CDH11: variants seen among roughly 807,000 people sequenced by gnomAD.
CDH11 encodes cadherin 11.
Under a neutral mutation model 67.8 loss-of-function variants are expected in CDH11, and 11 were observed. The ratio of observed to expected loss-of-function variants is 0.16; its 90% CI spans 0.10 to 0.27. CDH11 has a LOEUF of 0.27. CDH11 is among the 10% of genes least tolerant of loss of function. The probability of loss-of-function intolerance (pLI) is 1.00; values close to 1 mark genes in which losing one functional copy is unlikely to be tolerated. For synonymous variants in CDH11, 419 were observed against 400.0 expected (o/e 1.05, Z -0.57); for missense variants, 847 against 1,031.2 (o/e 0.82, Z 2.45).
At position 64,947,921 on chromosome 16, in the gene CDH11, G is replaced by A; in HGVS notation, c.2073C>T (p.Ile691=). The stretch of plus-strand genomic sequence containing the variant: ...ACTCAGGTTTGATGTCTTTGCGGGG[G>A]ATAAATCCATTGATACCATCAGGAT... ...LQNPDGINGF[I]PRKDIKPEYQ... is the part of the protein sequence containing the mutation. Residue 691 remains isoleucine, a synonymous_variant, in exon 13 of 13, where the codon ATC becomes ATT. Coordinates refer to ENST00000268603, the MANE Select transcript of CDH11 (RefSeq NM_001797.4). The A allele has an allele frequency of 1.9e-6, 3 of 1,614,116 alleles. No individual in the cohort carries two copies. Among genetic ancestry groups the A allele is most frequent in the Non-Finnish European group, 2.5e-6 (3 of 1,180,018 alleles).
In CDH11 at chr16:64,982,248, G is replaced by A. The variant is rs201295294; in HGVS notation, c.1053C>T (p.Asn351=). The stretch of plus-strand genomic sequence containing the variant: ...TGATAAACTTCGGGTCGATGTGCAC[G>A]TTGGCTGCCTCTACCTTCAAGCTAT... ...RAYSLKVEAA[N]VHIDPKFISN... The change falls in exon 8 of 13, where the codon AAC becomes AAT. Residue 351 remains asparagine, a synonymous_variant. Transcript: ENST00000268603. The A allele has an allele frequency of 4.6e-5, 75 of 1,612,982 alleles. No individual in the cohort carries two copies. In the East Asian group the frequency reaches 1.0e-3, roughly 23 times the overall value.
intron 11 of CDH11, chr16:64,968,410 T>C: frequency 1.0e-6 from 1 of 984,578 alleles, no homozygotes; most frequent in African/African-American, 1.7e-5. Context: ...ACATGCCTGG[T>C]ATTTTCAAAG....
chr16:65,075,066 G>A (rs2074485443), intron 1 of CDH11, among the ~76,000 whole-genome samples: 1 of 152,158 alleles, frequency 6.6e-6, no homozygotes, highest in Non-Finnish European at 1.5e-5. Flanking sequence ...AACATAAGCA[G>A]GCTGAATTCA....
intron 1 of CDH11, among the ~76,000 whole-genome samples, chr16:65,059,047 T>C (rs914178326): frequency 1.3e-5 from 2 of 152,248 alleles, no homozygotes; most frequent in African/African-American, 4.8e-5. Context: ...AATATTAACA[T>C]ACAATTTTAT....
rs148120735 is a variant in CDH11 at position 65,031,584 on chromosome 16, T to C, written c.-173+22220A>G. Among the ~76,000 whole-genome samples, 361 of 152,142 alleles carry C rather than the reference T, an allele frequency of 2.4e-3. 1 individual carries two copies. The highest frequency in any genetic ancestry group is 8.3e-3 in the African/African-American group (346 of 41,510). ...GCAGAGGGAACAGCAGGAGCAAATA[T>C]TTAAGACATGAAATAAGATCCTATG... On this transcript the variant is annotated intron_variant, in intron 2 of 12. Coordinates refer to ENST00000268603, the MANE Select transcript of CDH11 (RefSeq NM_001797.4).
chr16:65,072,735 C>A (rs2074439869), intron 1 of CDH11, among the ~76,000 whole-genome samples: 1 of 152,134 alleles, frequency 6.6e-6, no homozygotes, highest in South Asian at 2.1e-4. Flanking sequence ...ATTTATTTTA[C>A]ACTATTGTAT....
intron 2 of CDH11, among the ~76,000 whole-genome samples, chr16:65,049,874 A>G (rs56818078): frequency 0.068 from 10,385 of 152,176 alleles, 1,218 homozygotes; most frequent in African/African-American, 0.24. Context: ...TAGGAAATAC[A>G]CATTCACAGA....
rs1245806394 is a variant in CDH11 at position 64,971,711 on chromosome 16, T to A, written c.1525-15A>T. ...GTAACAATTGGCTGAAAGAGAAAGG[T>A]GGCCCATAAATAAATCATGCTGACA... On this transcript the variant is annotated splice_polypyrimidine_tract_variant and intron_variant, in intron 10 of 12. Transcript: ENST00000268603. 6.4e-7 allele frequency: 1 copy of A among 1,568,320 alleles called. No homozygotes were observed. Among genetic ancestry groups the A allele is most frequent in the Admixed American group, 1.7e-5 (1 of 59,478 alleles).
rs1055688589 is a variant in CDH11 at position 64,982,488 on chromosome 16, T to G, written c.1000-187A>C. On this transcript the variant is annotated intron_variant, in intron 7 of 12. Coordinates refer to ENST00000268603, the MANE Select transcript of CDH11 (RefSeq NM_001797.4). ...AAATCAATTGCTGAAACCTAGAATGTGCTTAATGGGTCATTCGAAGAGCAC... is the reference window on the plus strand; with the variant it reads ...AAATCAATTGCTGAAACCTAGAATGGGCTTAATGGGTCATTCGAAGAGCAC... The G allele has an allele frequency of 1.7e-5, 10 of 591,554 alleles. No homozygotes were observed. The African/African-American group carries it at 1.9e-4, about 11-fold the overall frequency. 36.6% of individuals were successfully genotyped at this position (591,554 alleles called of 1,614,324 possible).
In CDH11 at chr16:64,947,057, A is replaced by G. The variant is rs1382116485; in HGVS notation, c.*546T>C. On this transcript the variant is annotated 3_prime_UTR_variant, in exon 13 of 13. Transcript: ENST00000268603. The stretch of plus-strand genomic sequence containing the variant: ...GAAAGTAGAAGCAAAAAGATTTACA[A>G]GAATCAGCAGTAACAAGATTGATGC... 3 of 1,032,420 alleles carry G rather than the reference A, an allele frequency of 2.9e-6. No homozygotes were observed. The highest frequency in any genetic ancestry group is 3.5e-6 in the Non-Finnish European group (3 of 857,994). 64.0% of individuals were successfully genotyped at this position (1,032,420 alleles called of 1,614,324 possible). A position where few individuals can be genotyped will look rare whatever the true frequency, so the allele number is the denominator to read the frequency against.
At chr16:64,969,216 T>C (rs1376209360) in intron 11 of CDH11, among the ~76,000 whole-genome samples, 1 of 152,164 alleles carries the variant, frequency 6.6e-6, no homozygotes, top group Non-Finnish European at 1.5e-5. Flanking sequence ...TGTGTCTTAG[T>C]ATAATGTTTT....
At position 64,947,796 on chromosome 16, in the gene CDH11, G is replaced by T. The variant is rs555349824; in HGVS notation, c.2198C>A (p.Thr733Lys). 2.8e-5 allele frequency: 45 copies of T among 1,614,042 alleles called. 1 individual carries two copies. Among genetic ancestry groups the T allele is most frequent in the Non-Finnish European group, 6.8e-6 (8 of 1,180,012 alleles). The change falls in exon 13 of 13, where the codon ACG (threonine) becomes AAG (lysine). Residue 733 changes from threonine to lysine, a missense_variant. This residue lies in a region of CDH11 where 612 missense variants were observed against 678.7 expected (regional missense o/e 0.90). Transcript: ENST00000268603. ...TTGAATGGAGTCATAAGGAGGAGCC[G>T]TGGGGTCATTGTCTGCCTCCTGTAT... ...TRIQEADNDP[T>K]APPYDSIQIY...
chr16:65,009,014 C>T (rs1333152811), intron 2 of CDH11, among the ~76,000 whole-genome samples: 1 of 152,078 alleles, frequency 6.6e-6, no homozygotes, highest in Non-Finnish European at 1.5e-5. Flanking sequence ...GTCTGAGGCA[C>T]ATCAAAATTA....
At chr16:65,037,761 G>A (rs1413313834) in intron 2 of CDH11, among the ~76,000 whole-genome samples, 3 of 152,022 alleles carry the variant, frequency 2.0e-5, no homozygotes, top group Non-Finnish European at 2.9e-5. Context: ...CCTGAGAGAA[G>A]AAACCCAAGA....
rs941850040 is a variant in CDH11 at position 64,947,506 on chromosome 16, A to C, written c.*97T>G. On this transcript the variant is annotated 3_prime_UTR_variant, in exon 13 of 13. Coordinates refer to ENST00000268603, the MANE Select transcript of CDH11 (RefSeq NM_001797.4). ...TGTAAAACTTTGCCTGTTTTAAATGAGCCTTTCCTTGATTTAAAAAAATAC... is the reference window on the plus strand; with the variant it reads ...TGTAAAACTTTGCCTGTTTTAAATGCGCCTTTCCTTGATTTAAAAAAATAC... 4 of 1,513,464 alleles carry C rather than the reference A, an allele frequency of 2.6e-6. No homozygotes were observed. The highest frequency in any genetic ancestry group is 2.6e-6 in the Non-Finnish European group (3 of 1,134,170). The allele number at this position is 1,513,464 out of a possible 1,614,324, so 93.8% of individuals were successfully genotyped here.
At chr16:65,043,537 T>G (rs1453457944) in intron 2 of CDH11, among the ~76,000 whole-genome samples, 1 of 152,170 alleles carries the variant, frequency 6.6e-6, no homozygotes, top group African/African-American at 2.4e-5. Context: ...CTTTTACTGA[T>G]CAGCCCTCCA....
chr16:65,011,043 G>GTA (rs1316085666), intron 2 of CDH11, among the ~76,000 whole-genome samples: 2 of 113,436 alleles, frequency 1.8e-5, no homozygotes, highest in Non-Finnish European at 3.6e-5. Flanking sequence ...ATATGTATAT[G>GTA]TATATATGTA....
At chr16:65,021,569 C>CACACAT (rs4048808) in intron 2 of CDH11, among the ~76,000 whole-genome samples, 48 of 139,032 alleles carry the variant, frequency 3.5e-4, no homozygotes, top group African/African-American at 6.0e-4. Context: ...CACACACACA[C>CACACAT]ATATATATAT....
intron 8 of CDH11, among the ~76,000 whole-genome samples, chr16:64,976,991 G>C (rs2072191132): frequency 6.6e-6 from 1 of 152,104 alleles, no homozygotes; most frequent in South Asian, 2.1e-4. Flanking sequence ...CCAGGAGTTT[G>C]AGACCAGCAT....
Sources: gnomAD v4.1 joint callset for allele counts (sites outside exome capture counted in the v4.1 genomes callset) on GRCh38, gnomAD v4.1.1 for gene constraint, gnomAD v4.1.1 regional missense constraint, MANE v1.5 for transcripts, NCBI Gene and HGNC (gene_info 2026-07-23, HGNC 2026-07-21) for gene names.